Variants in IFT57 observed in about 807,000 individuals in gnomAD.
IFT57 encodes intraflagellar transport protein 57 homolog.
IFT57 carries 59 observed loss-of-function variants against 56.8 expected under a neutral mutation model. The observed-to-expected ratio is 1.04, with a 90% CI of 0.84 to 1.29. The LOEUF (loss-of-function observed/expected upper bound fraction) is 1.29. Ranked by LOEUF, IFT57 falls within the 50% of genes most tolerant of loss-of-function variation. IFT57 has a pLI of 0.00. For synonymous variants in IFT57, 209 were observed against 186.1 expected (o/e 1.12, Z -1.00); for missense variants, 470 against 522.1 (o/e 0.90, Z 0.97).
At chr3:108,170,697 A>T (rs187486043) in intron 6 of IFT57, among the ~76,000 whole-genome samples, 108 of 152,006 alleles carry the variant, frequency 7.1e-4, no homozygotes, top group African/African-American at 1.2e-3. Context: ...CAGCCAAAAA[A>T]ATCCTAAGCA....
At chr3:108,165,138 C>T (rs914252576) in intron 9 of IFT57, among the ~76,000 whole-genome samples, 1 of 151,310 alleles carries the variant, frequency 6.6e-6, no homozygotes, top group African/African-American at 2.4e-5. Flanking sequence ...TACTATTCAT[C>T]CCCATGTTAA....
chr3:108,220,030 A>C (rs2080396855), intron 1 of IFT57, among the ~76,000 whole-genome samples: 1 of 152,258 alleles, frequency 6.6e-6, no homozygotes, highest in Non-Finnish European at 1.5e-5. Flanking sequence ...TGTTGGCTGC[A>C]TATTCAATCA....
In IFT57 at chr3:108,173,997, AGTGTGTGT is replaced by A. The variant is rs34537693; in HGVS notation, c.778-6141_778-6134del. On this transcript the variant is annotated intron_variant, in intron 6 of 10. Transcript: ENST00000264538. ...AAAAATCAGTATTTGCATATATTTG[AGTGTGTGT>A]GTGTGTGTGTGTGTGTGTGTGTGTG... is the stretch of plus-strand genomic sequence containing the variant. Among the ~76,000 whole-genome samples, 975 of 100,734 alleles carry A rather than the reference AGTGTGTGT, an allele frequency of 9.7e-3. 10 individuals are homozygous for A. The highest frequency in any genetic ancestry group is 0.028 in the African/African-American group (810 of 29,310). The allele number at this position is 100,734 out of a possible 152,430, so 66.1% of individuals were successfully genotyped here. A position where few individuals can be genotyped will look rare whatever the true frequency, so the allele number is the denominator to read the frequency against.
chr3:108,192,424 A>G (rs957586550), intron 5 of IFT57, among the ~76,000 whole-genome samples: 5 of 152,112 alleles, frequency 3.3e-5, no homozygotes, highest in African/African-American at 1.2e-4. Context: ...TCTGCATTGG[A>G]ATAATAAAAA....
At chr3:108,165,605 C>A (rs1420543104) in intron 8 of IFT57, 112 bp from the exon 9 acceptor site, 1 of 785,954 alleles carries the variant, frequency 1.3e-6, no homozygotes, top group Non-Finnish European at 2.3e-6. Flanking sequence ...CAACCCTGCT[C>A]CTTGTTTGTG....
intron 7 of IFT57, 110 bp from the exon 8 acceptor site, chr3:108,167,095 G>A (rs2080067576): frequency 8.6e-6 from 8 of 924,864 alleles, no homozygotes; most frequent in Non-Finnish European, 1.3e-5. Flanking sequence ...AACTACATGT[G>A]CAAAAGAAGA....
In IFT57 at chr3:108,218,333, T is replaced by C. The variant is rs1391530967; in HGVS notation, c.494+202A>G. ...AACAGGAAAACGGCATAATAATATG[T>C]AACACATTACTTCAGAATTAGTTTT... On this transcript the variant is annotated intron_variant, in intron 3 of 10. Transcript: ENST00000264538. The C allele has an allele frequency of 8.2e-6, 3 of 366,102 alleles. No homozygotes were observed. The East Asian group carries it at 1.3e-4, about 16-fold the overall frequency. 22.7% of individuals were successfully genotyped at this position (366,102 alleles called of 1,614,324 possible).
rs142854462 is a variant in IFT57, at chr3:108,175,195, G to A, written c.778-7331C>T. ...GTCACCTATTCTAAAGTGCTCTAAC[G>A]TGTTCATTAGGCATCATTTCTTCTT... On this transcript the variant is annotated intron_variant, in intron 6 of 10. Coordinates refer to ENST00000264538, the MANE Select transcript of IFT57 (RefSeq NM_018010.4). Among the ~76,000 whole-genome samples the A allele has an allele frequency of 2.2e-3, 335 of 151,808 alleles. 4 individuals are homozygous for A. Among genetic ancestry groups the A allele is most frequent in the African/African-American group, 7.8e-3 (325 of 41,458 alleles).
intron 6 of IFT57, among the ~76,000 whole-genome samples, chr3:108,179,905 T>A (rs77711791): frequency 6.6e-6 from 1 of 151,870 alleles, no homozygotes; most frequent in Admixed American, 6.6e-5. Context: ...CATATTACTT[T>A]AAAAAAGTAT....
intron 5 of IFT57, among the ~76,000 whole-genome samples, chr3:108,204,202 A>T (rs1163645315): frequency 6.6e-6 from 1 of 152,150 alleles, no homozygotes; most frequent in Non-Finnish European, 1.5e-5. Flanking sequence ...TTAAAATATG[A>T]AAGGGTTTTC....
chr3:108,165,672 C>T lies in IFT57; in HGVS notation c.982-179G>A, dbSNP rs1324580573. On this transcript the variant is annotated intron_variant, in intron 8 of 10. Transcript: ENST00000264538. ...GCTGTTTTATGTCCCTAATAGGCAG[C>T]ATGTATTTAACTAAGTACTACAAAA... Among the ~76,000 whole-genome samples the T allele has an allele frequency of 2.0e-5, 3 of 152,164 alleles. No individual in the cohort carries two copies. In the East Asian group the frequency reaches 5.8e-4, roughly 30 times the overall value.
intron 4 of IFT57, among the ~76,000 whole-genome samples, chr3:108,209,283 T>C (rs928031529): frequency 5.3e-5 from 8 of 152,250 alleles, no homozygotes; most frequent in Admixed American, 5.2e-4. Context: ...ATTATAATAT[T>C]TAAGTGATAT....
intron 6 of IFT57, among the ~76,000 whole-genome samples, chr3:108,174,326 C>T (rs185946438): frequency 3.0e-4 from 40 of 133,672 alleles, no homozygotes; most frequent in Middle Eastern, 4.1e-3. Context: ...AAAAGCTTTA[C>T]AGAAGTTTGT....
chr3:108,216,140 A>C (rs1437150439), intron 3 of IFT57, among the ~76,000 whole-genome samples: 3 of 152,188 alleles, frequency 2.0e-5, no homozygotes, highest in Admixed American at 2.0e-4. Context: ...ATGCGATTAC[A>C]TCAAACTTAA....
Position 108,219,702 on chromosome 3 carries a change from A to T in IFT57, c.213-130T>A, listed in dbSNP as rs556995442. 31 of 888,764 alleles carry T rather than the reference A, an allele frequency of 3.5e-5. No homozygotes were observed. The South Asian group carries it at 3.6e-4, about 10-fold the overall frequency. 55.1% of individuals were successfully genotyped at this position (888,764 alleles called of 1,614,324 possible). A position where few individuals can be genotyped will look rare whatever the true frequency, so the allele number is the denominator to read the frequency against. On this transcript the variant is annotated intron_variant, in intron 1 of 10. Coordinates refer to ENST00000264538, the MANE Select transcript of IFT57 (RefSeq NM_018010.4). ...CCCAAATGGCCATCAAAAGACCTCG[A>T]TAATTCACCCTTTGAAGTTTCCAGT...
At chr3:108,178,958 T>C (rs1230923054) in intron 6 of IFT57, among the ~76,000 whole-genome samples, 2 of 151,698 alleles carry the variant, frequency 1.3e-5, no homozygotes, top group Non-Finnish European at 2.9e-5. Flanking sequence ...AATTCTTCTA[T>C]GTGTTTTAGC....
Position 108,222,397 on chromosome 3 carries a change from CCAGTA to C in IFT57, c.-80_-76del. On this transcript the variant is annotated 5_prime_UTR_variant, in exon 1 of 11. Transcript: ENST00000264538. Reference sequence around the variant, plus strand: ...GCCTAAGCCGCCAGCCCTGCCGCCGCCAGTACAGCCACGACCGGTTACCAGGCGAC... The same window carrying C: ...GCCTAAGCCGCCAGCCCTGCCGCCGCCAGCCACGACCGGTTACCAGGCGAC... 1 of 1,369,602 alleles carries C rather than the reference CCAGTA, an allele frequency of 7.3e-7. No homozygotes were observed. Among genetic ancestry groups the C allele is most frequent in the East Asian group, 2.5e-5 (1 of 39,610 alleles). The allele number at this position is 1,369,602 out of a possible 1,614,324, so 84.8% of individuals were successfully genotyped here. A position where few individuals can be genotyped will look rare whatever the true frequency, so the allele number is the denominator to read the frequency against.
At chr3:108,180,321 A>G (rs2080145340) in intron 6 of IFT57, among the ~76,000 whole-genome samples, 1 of 151,966 alleles carries the variant, frequency 6.6e-6, no homozygotes, top group Non-Finnish European at 1.5e-5. Flanking sequence ...TCCAGGCTTT[A>G]GAAGGAGTTA....
intron 2 of IFT57, 102 bp from the exon 3 acceptor site, chr3:108,218,755 C>T (rs1289758): frequency 0.8 from 412,980 of 514,094 alleles, 170,516 homozygotes; most frequent in Non-Finnish European, 0.87. Context: ...ACTTTTCTTT[C>T]AAATGATTTA....
Sources: gnomAD v4.1 joint callset for allele counts (sites outside exome capture counted in the v4.1 genomes callset) on GRCh38, gnomAD v4.1.1 for gene constraint, MANE v1.5 for transcripts, NCBI Gene and HGNC (gene_info 2026-07-23, HGNC 2026-07-21) for gene names.